The following RBFOX1 variants were observed in gnomAD, a reference collection of about 807,000 sequenced individuals.
RBFOX1 encodes RNA binding protein fox-1 homolog 1.
Under a neutral mutation model 57.7 loss-of-function variants are expected in RBFOX1, and 8 were observed. That is an observed-to-expected ratio of 0.14 (90% CI 0.08 to 0.25). The LOEUF is 0.25. Ranked by LOEUF, RBFOX1 falls within the 10% of genes least tolerant of loss-of-function variation. RBFOX1 has a pLI of 1.00. For synonymous variants in RBFOX1, 326 were observed against 222.4 expected, an observed-to-expected ratio of 1.47 and a Z score of -4.15; for missense variants, 611 against 548.5, an observed-to-expected ratio of 1.11 and a Z score of -1.14.
intron 11 of RBFOX1, among the ~76,000 whole-genome samples, chr16:7,640,379 T>C (rs1328794995): frequency 6.6e-6 from 1 of 152,206 alleles, no homozygotes; most frequent in Non-Finnish European, 1.5e-5. Context: ...AGAATGGTGA[T>C]TTTCATTTTT....
intron 3 of RBFOX1, among the ~76,000 whole-genome samples, chr16:6,711,422 C>T (rs1229896508): frequency 6.6e-6 from 1 of 152,192 alleles, no homozygotes; most frequent in Non-Finnish European, 1.5e-5. Flanking sequence ...TGTGTCCCCA[C>T]TCAAATCTCA....
rs34488881 is a variant in RBFOX1, at chr16:5,955,118, TAAAAAAAAA to T, written c.351+87802_351+87810del. ...CAACAGGGTGAAACTCCATCTCTAC[TAAAAAAAAA>T]AAAAAAAAAAAAAAAAAAGCCAGGC... is the stretch of plus-strand genomic sequence containing the variant. On this transcript the variant is annotated intron_variant, in intron 4 of 19. Transcript: ENST00000641259. 7.7e-4 allele frequency among the ~76,000 whole-genome samples: 11 copies of T among 14,286 alleles called. 1 individual carries two copies. Among genetic ancestry groups the T allele is most frequent in the East Asian group, 3.7e-3 (2 of 540 alleles). 9.4% of individuals were successfully genotyped at this position (14,286 alleles called of 152,430 possible).
chr16:5,729,479 T>G (rs1243755097), intron 3 of RBFOX1, among the ~76,000 whole-genome samples: 1 of 150,042 alleles, frequency 6.7e-6, no homozygotes, highest in Non-Finnish European at 1.5e-5. Context: ...GGCTTGCATT[T>G]AGGGGATATA....
intron 1 of RBFOX1, among the ~76,000 whole-genome samples, chr16:6,127,132 G>T (rs1004983367): frequency 6.6e-6 from 1 of 152,102 alleles, no homozygotes; most frequent in African/African-American, 2.4e-5. Context: ...GAACAAATGT[G>T]ACCTGTTGGA....
chr16:6,699,559 C>G (rs960687400), intron 3 of RBFOX1, among the ~76,000 whole-genome samples: 2 of 152,120 alleles, frequency 1.3e-5, no homozygotes, highest in Non-Finnish European at 2.9e-5. Flanking sequence ...TAACAAACAC[C>G]AAAGCGAGTG....
chr16:6,911,030 G>A (rs1039509781), intron 3 of RBFOX1, among the ~76,000 whole-genome samples: 7 of 152,060 alleles, frequency 4.6e-5, no homozygotes, highest in Non-Finnish European at 7.4e-5. Context: ...GTGAAACCCC[G>A]TCTCTACCAA....
intron 1 of RBFOX1, among the ~76,000 whole-genome samples, chr16:5,424,100 T>G (rs1174749427): frequency 6.6e-6 from 1 of 152,218 alleles, no homozygotes; most frequent in African/African-American, 2.4e-5. Flanking sequence ...CCCCACTATG[T>G]GCCTCTCAGT....
At chr16:7,039,764 T>C (rs1201726916) in intron 3 of RBFOX1, among the ~76,000 whole-genome samples, 1 of 152,172 alleles carries the variant, frequency 6.6e-6, no homozygotes, top group East Asian at 1.9e-4. Flanking sequence ...TAGGACTGTA[T>C]TATGTTCAAA....
intron 2 of RBFOX1, among the ~76,000 whole-genome samples, chr16:5,498,894 G>C (rs530100646): frequency 6.6e-6 from 1 of 152,332 alleles, no homozygotes; most frequent in South Asian, 2.1e-4. Flanking sequence ...GCCATCGTGG[G>C]TCTGCAGGTC....
chr16:6,760,652 C>G (rs896419395), intron 3 of RBFOX1, among the ~76,000 whole-genome samples: 3 of 152,160 alleles, frequency 2.0e-5, no homozygotes, highest in Non-Finnish European at 4.4e-5. Context: ...AAAGCATATA[C>G]TGGAGCAGAG....
At position 7,297,073 on chromosome 16, in the gene RBFOX1, C is replaced by T. The variant is rs189655741; in HGVS notation, c.28-221074C>T. ...GAGCCATAGTCAGTAGCCAGTGAGACGACAGGAGGAGAGACAAGGCTCAAG... is the reference window on the plus strand; with the variant it reads ...GAGCCATAGTCAGTAGCCAGTGAGATGACAGGAGGAGAGACAAGGCTCAAG... On this transcript the variant is annotated intron_variant, in intron 4 of 15. Coordinates refer to ENST00000550418, the MANE Select transcript of RBFOX1 (RefSeq NM_018723.4). 5.8e-4 allele frequency among the ~76,000 whole-genome samples: 88 copies of T among 152,226 alleles called. 1 individual carries two copies. The highest frequency in any genetic ancestry group is 4.4e-3 in the Admixed American group (67 of 15,280).
intron 1 of RBFOX1, among the ~76,000 whole-genome samples, chr16:5,291,357 G>A (rs980404883): frequency 2.1e-4 from 31 of 149,774 alleles, no homozygotes; most frequent in African/African-American, 7.4e-4. Flanking sequence ...CCGCCTTCCG[G>A]GTTCACGCCA....
chr16:7,477,154 A>G (rs2062900109), intron 4 of RBFOX1, among the ~76,000 whole-genome samples: 1 of 152,138 alleles, frequency 6.6e-6, no homozygotes, highest in Admixed American at 6.5e-5. Context: ...AGAATCACAA[A>G]ACCAACTACA....
intron 4 of RBFOX1, among the ~76,000 whole-genome samples, chr16:7,066,555 G>T (rs1568621557): frequency 6.6e-6 from 1 of 152,128 alleles, no homozygotes; most frequent in Admixed American, 6.5e-5. Context: ...AGTTTTAGGT[G>T]CTACCAGTTA....
At chr16:7,703,418 C>G (rs1256970220) in intron 14 of RBFOX1, among the ~76,000 whole-genome samples, 3 of 152,118 alleles carry the variant, frequency 2.0e-5, no homozygotes, top group Non-Finnish European at 4.4e-5. Context: ...AGATTTCACT[C>G]ATCTTTCTGC....
chr16:6,742,820 G>A (rs978243192), intron 3 of RBFOX1, among the ~76,000 whole-genome samples: 1 of 152,014 alleles, frequency 6.6e-6, no homozygotes, highest in Admixed American at 6.6e-5. Flanking sequence ...TTGCCAGTAT[G>A]GTGGGAGAAA....
chr16:5,599,932 C>T (rs753665255), exon 3 of RBFOX1: 6 of 151,868 alleles, frequency 4.0e-5, no homozygotes, highest in Non-Finnish European at 5.9e-5. Flanking sequence ...TTTGGGAGGC[C>T]AAGGTAAGAG....
rs543741291 is a variant in RBFOX1 at position 6,618,639 on chromosome 16, A to T, written c.-63-35964A>T. ...ATCACTTCTCCAAGGTTACGTGGCT[A>T]GTGCGTGAGAGAACTGGCTTTCAAA... On this transcript the variant is annotated intron_variant, in intron 2 of 15. Transcript: ENST00000550418. 1.2e-4 allele frequency among the ~76,000 whole-genome samples: 19 copies of T among 152,322 alleles called. No homozygotes were observed. In the South Asian group the frequency reaches 1.5e-3, roughly 12 times the overall value.
chr16:6,047,120 T>A (rs1411089791), intron 1 of RBFOX1, among the ~76,000 whole-genome samples: 3 of 152,202 alleles, frequency 2.0e-5, no homozygotes, highest in African/African-American at 7.2e-5. Flanking sequence ...AGTTGGCTAA[T>A]GAGCCTTGAG....
Sources: allele counts gnomAD v4.1 joint callset (sites outside exome capture counted in the v4.1 genomes callset), GRCh38; gene constraint gnomAD v4.1.1; transcripts MANE v1.5; gene names NCBI Gene and HGNC (gene_info 2026-07-23, HGNC 2026-07-21).